The following PTPN5 variants were observed in gnomAD, a reference collection of about 807,000 sequenced individuals.
PTPN5 encodes tyrosine-protein phosphatase non-receptor type 5.
Under a neutral mutation model 73.9 loss-of-function variants are expected in PTPN5, and 29 were observed. The ratio of observed to expected loss-of-function variants is 0.39; its 90% CI spans 0.29 to 0.54. PTPN5 has a LOEUF of 0.54. Among genes scored for constraint, PTPN5 ranks in the 20% least tolerant of loss-of-function variants. PTPN5 has a pLI of 0.65. For missense variants in PTPN5, 652 were observed against 751.4 expected (o/e 0.87, Z 1.55); for synonymous variants, 267 against 304.7 (o/e 0.88, Z 1.29).
At chr11:18,755,353 T>C (rs1850082203) in intron 3 of PTPN5, among the ~76,000 whole-genome samples, 1 of 152,236 alleles carries the variant, frequency 6.6e-6, no homozygotes, top group African/African-American at 2.4e-5. Context: ...GGCTAAGTCA[T>C]TCCTGGTTTC....
intron 3 of PTPN5, chr11:18,749,547 C>T (rs547395081): frequency 3.9e-6 from 2 of 517,350 alleles, no homozygotes; most frequent in African/African-American, 1.9e-5. Flanking sequence ...AGATTTTGTG[C>T]CTGGTCCCCA....
chr11:18,761,780 G>T (rs1267385951), intron 3 of PTPN5, among the ~76,000 whole-genome samples: 1 of 152,120 alleles, frequency 6.6e-6, no homozygotes, highest in Non-Finnish European at 1.5e-5. Flanking sequence ...GGGAATGAGA[G>T]AGCAAGCACA....
chr11:18,771,221 T>C (rs1271797199), intron 2 of PTPN5, among the ~76,000 whole-genome samples: 5 of 152,236 alleles, frequency 3.3e-5, no homozygotes, highest in African/African-American at 4.8e-5. Flanking sequence ...GTGGAGCTCC[T>C]ACCACCCTCT....
At chr11:18,775,094 T>C (rs1315198860) in intron 1 of PTPN5, among the ~76,000 whole-genome samples, 1 of 152,200 alleles carries the variant, frequency 6.6e-6, no homozygotes, top group Admixed American at 6.5e-5. Context: ...TGGAGGAACG[T>C]ACTAACGTTT....
intron 12 of PTPN5, among the ~76,000 whole-genome samples, chr11:18,731,128 A>C (rs1848852924): frequency 6.7e-6 from 1 of 148,942 alleles, no homozygotes; most frequent in Admixed American, 6.7e-5. Flanking sequence ...TTTTATACAT[A>C]TATATATACA....
intron 3 of PTPN5, among the ~76,000 whole-genome samples, chr11:18,745,521 C>A (rs984136363): frequency 9.9e-5 from 15 of 152,058 alleles, no homozygotes; most frequent in African/African-American, 3.4e-4. Flanking sequence ...CTGGAACATC[C>A]CTCCAACACT....
intron 3 of PTPN5, among the ~76,000 whole-genome samples, chr11:18,763,002 G>A (rs1173788519): frequency 7.2e-5 from 11 of 152,212 alleles, no homozygotes; most frequent in Non-Finnish European, 1.5e-4. Flanking sequence ...GTGACAGAAT[G>A]AAGAAATGAG....
chr11:18,751,680 G>A (rs1301252266), intron 3 of PTPN5, among the ~76,000 whole-genome samples: 5 of 152,228 alleles, frequency 3.3e-5, no homozygotes, highest in South Asian at 2.1e-4. Context: ...CAGGATGGGC[G>A]TGGGAAAAGG....
At chr11:18,767,204 C>T (rs534183647) in intron 2 of PTPN5, among the ~76,000 whole-genome samples, 2 of 152,290 alleles carry the variant, frequency 1.3e-5, no homozygotes, top group South Asian at 4.1e-4. Context: ...TTGGACTGGC[C>T]CTAGGGCCAG....
chr11:18,784,482 A>G (rs7108520), intron 1 of PTPN5, among the ~76,000 whole-genome samples: 86,705 of 151,994 alleles, frequency 0.57, 27,012 homozygotes, highest in South Asian at 0.7. Flanking sequence ...AGGTCACCAG[A>G]GGCTGGGGGA....
intron 9 of PTPN5, among the ~76,000 whole-genome samples, chr11:18,734,281 T>G (rs1849019475): frequency 1.3e-5 from 2 of 152,224 alleles, no homozygotes; most frequent in African/African-American, 4.8e-5. Context: ...CTCAGCCTCA[T>G]GTCCACATAT....
chr11:18,754,530 A>G (rs1197386234), intron 3 of PTPN5, among the ~76,000 whole-genome samples: 1 of 152,174 alleles, frequency 6.6e-6, no homozygotes, highest in Admixed American at 6.5e-5. Flanking sequence ...GGGTTGGGTC[A>G]GCCCCATGTT....
intron 3 of PTPN5, among the ~76,000 whole-genome samples, chr11:18,761,376 A>G (rs1850383054): frequency 6.6e-6 from 1 of 152,152 alleles, no homozygotes; most frequent in Admixed American, 6.5e-5. Flanking sequence ...GGAGTCCCCA[A>G]CATTAGCAGT....
At chr11:18,749,995 G>A (rs1247209184) in intron 3 of PTPN5, among the ~76,000 whole-genome samples, 1 of 152,152 alleles carries the variant, frequency 6.6e-6, no homozygotes, top group African/African-American at 2.4e-5. Context: ...ATGACACTCA[G>A]ACCTGCCTGG....
intron 3 of PTPN5, among the ~76,000 whole-genome samples, chr11:18,752,451 T>C (rs992584926): frequency 6.6e-6 from 1 of 152,118 alleles, no homozygotes; most frequent in Non-Finnish European, 1.5e-5. Flanking sequence ...GTGCCCCACC[T>C]GGACATGGGC....
rs373799647 is a variant in PTPN5 at position 18,729,487 on chromosome 11, T to G, written c.1570A>C (p.Ile524Leu). Residue 524 changes from isoleucine to leucine, a missense_variant, in exon 14 of 15, where the codon ATC becomes CTC. By Grantham distance (5) the Ile-to-Leu change is conservative. This residue lies in a region of PTPN5 where 102 missense variants were observed against 160.5 expected (regional missense o/e 0.64). Transcript: ENST00000358540. This position sits in a 1 kb window ranked among gnomAD's most constrained non-coding sequence, Gnocchi z 5.2. ...QQLRQEGVVD[I>L]LKTTCQLRQD... ...CGGAGCTGGCACGTGGTCTTCAGGA[T>G]GTCCACCACACCCTCCTGCCGCAGC... The G allele has an allele frequency of 6.3e-7, 1 of 1,592,094 alleles. No homozygotes were observed. Among genetic ancestry groups the G allele is most frequent in the Non-Finnish European group, 8.6e-7 (1 of 1,164,622 alleles).
rs1849392579 is a variant in PTPN5, at chr11:18,742,197, C to T, written c.725+65G>A. The T allele has an allele frequency of 6.3e-7, 1 of 1,595,730 alleles. No homozygotes were observed. Among genetic ancestry groups the T allele is most frequent in the Non-Finnish European group, 8.5e-7 (1 of 1,169,664 alleles). On this transcript the variant is annotated intron_variant, in intron 7 of 14. Transcript: ENST00000358540. The surrounding 1 kb of genome is among the most constrained non-coding windows in gnomAD (Gnocchi z 4.1). ...ACCAGGAGTCAGAGTCAGGCATCCA[C>T]TCTTCTGATCAGGAGCTAAGAGCTC...
chr11:18,791,027 GCGCTAAGCTTGTATT>G (rs1851895393), intron 1 of PTPN5, among the ~76,000 whole-genome samples: 1 of 152,148 alleles, frequency 6.6e-6, no homozygotes, highest in African/African-American at 2.4e-5. Context: ...GGAGGGGAGC[GCGCTAAGCTTGTATT>G]CTAGGGGAGG....
rs1850620439 is a variant in PTPN5, at chr11:18,765,842, C to A, written c.62G>T (p.Gly21Val). ...ENHAADDSEG[G>V]ALDMCCSERL... ...CTCACTGCAGCACATGTCCAGGGCC[C>A]CTCCCTCGGAGTCATCAGCAGCGTG... Residue 21 changes from glycine (G) to valine (V), a missense_variant, in exon 3 of 15, where the codon GGG becomes GTG. Transcript: ENST00000358540. The A allele has an allele frequency of 1.3e-6, 2 of 1,582,486 alleles. No individual in the cohort carries two copies. Among genetic ancestry groups the A allele is most frequent in the East Asian group, 2.3e-5 (1 of 43,596 alleles).
Sources: allele counts gnomAD v4.1 joint callset (sites outside exome capture counted in the v4.1 genomes callset), GRCh38; gene constraint gnomAD v4.1.1; regional missense constraint gnomAD v4.1.1; non-coding constraint Gnocchi (gnomAD v3.1); transcripts MANE v1.5; gene names NCBI Gene and HGNC (gene_info 2026-07-23, HGNC 2026-07-21).